The following PRELID2 variants were observed in gnomAD, a reference collection of about 807,000 sequenced individuals.
The protein encoded by PRELID2 is PRELI domain containing 2.
A neutral mutation model predicts 28.4 loss-of-function variants in PRELID2; 25 were observed. The observed-to-expected ratio is 0.88, with a 90% CI of 0.64 to 1.23. The LOEUF is 1.23. Among genes scored for constraint, PRELID2 ranks in the 50% most tolerant of loss-of-function variants. The probability of loss-of-function intolerance (pLI) is 0.00; values close to 1 mark genes in which losing one functional copy is unlikely to be tolerated. For synonymous variants in PRELID2, 76 were observed against 71.6 expected, an observed-to-expected ratio of 1.06 and a Z score of -0.31; for missense variants, 201 against 214.4, an observed-to-expected ratio of 0.94 and a Z score of 0.39.
At chr5:145,821,211 GTCC>G (rs2149870275) in intron 2 of PRELID2, among the ~76,000 whole-genome samples, 1 of 125,570 alleles carries the variant, frequency 8.0e-6, no homozygotes, top group East Asian at 2.3e-4. Context: ...GTGTGTGTAA[GTCC>G]TCTTCTGTGT....
chr5:145,669,491 A>G (rs1754662986), intron 1 of PRELID2, among the ~76,000 whole-genome samples: 1 of 152,162 alleles, frequency 6.6e-6, no homozygotes. Flanking sequence ...GCTTCTAGAC[A>G]TAGATCCGAC....
chr5:145,822,798 T>C (rs556782753), intron 2 of PRELID2, among the ~76,000 whole-genome samples: 2 of 152,236 alleles, frequency 1.3e-5, no homozygotes, highest in East Asian at 3.9e-4. Flanking sequence ...CAGTTACAAT[T>C]ATATATAGCT....
At chr5:145,679,888 T>C (rs1754899659) in intron 1 of PRELID2, among the ~76,000 whole-genome samples, 2 of 150,326 alleles carry the variant, frequency 1.3e-5, no homozygotes, top group Non-Finnish European at 3.0e-5. Context: ...ACAAATAATA[T>C]ATAAAATATG....
the PRELID2 span, among the ~76,000 whole-genome samples, chr5:145,427,037 G>A: frequency 6.6e-6 from 1 of 152,188 alleles, no homozygotes; most frequent in East Asian, 1.9e-4. Context: ...ACAAGGTACA[G>A]AACGGATCTG....
chr5:145,292,951 C>T, the PRELID2 span, among the ~76,000 whole-genome samples: 3 of 152,020 alleles, frequency 2.0e-5, no homozygotes, highest in African/African-American at 7.3e-5. Flanking sequence ...AAACTTTTGG[C>T]TTCAAGTGAT....
At chr5:145,376,661 GT>G in the PRELID2 span, among the ~76,000 whole-genome samples, 1 of 152,044 alleles carries the variant, frequency 6.6e-6, no homozygotes, top group East Asian at 1.9e-4. Flanking sequence ...TTCTTCTAGA[GT>G]TTTTATTTTA....
intron 1 of PRELID2, among the ~76,000 whole-genome samples, chr5:145,832,840 G>A (rs1755693226): frequency 6.6e-6 from 1 of 151,992 alleles, no homozygotes; most frequent in Non-Finnish European, 1.5e-5. Flanking sequence ...TTCTATTCAT[G>A]CTTCAGCCAT....
intron 6 of PRELID2, among the ~76,000 whole-genome samples, chr5:145,764,437 A>G (rs182340532): frequency 3.3e-5 from 5 of 152,314 alleles, no homozygotes; most frequent in African/African-American, 1.2e-4. Context: ...TACTCTCAAG[A>G]CTTCAGAATC....
intron 4 of PRELID2, among the ~76,000 whole-genome samples, chr5:145,817,214 A>ATATAT (rs1561643832): frequency 9.4e-5 from 6 of 64,120 alleles, no homozygotes; most frequent in African/African-American, 2.6e-4. Context: ...TAAATAAATA[A>ATATAT]AAAAAAATAT....
chr5:145,694,495 A>T (rs1256704934), intron 1 of PRELID2, among the ~76,000 whole-genome samples: 1 of 152,210 alleles, frequency 6.6e-6, no homozygotes, highest in Non-Finnish European at 1.5e-5. Context: ...AAAGATGTAT[A>T]ATGTATTACA....
intron 1 of PRELID2, among the ~76,000 whole-genome samples, chr5:145,644,218 A>G (rs769183236): frequency 6.6e-6 from 1 of 151,176 alleles, no homozygotes; most frequent in Non-Finnish European, 1.5e-5. Context: ...TAAGGATTCG[A>G]CTCCTTCCTG....
chr5:145,716,058 T>C (rs564287453), intron 1 of PRELID2, among the ~76,000 whole-genome samples: 19 of 151,556 alleles, frequency 1.3e-4, no homozygotes, highest in African/African-American at 4.6e-4. Context: ...TTTTTGGCGA[T>C]TTTTTTTTAG....
chr5:145,439,586 G>A, the PRELID2 span, among the ~76,000 whole-genome samples: 1 of 151,970 alleles, frequency 6.6e-6, no homozygotes, highest in Admixed American at 6.6e-5. Flanking sequence ...GGAATGTTCT[G>A]TGTTTTTGAT....
chr5:145,283,039 C>T, the PRELID2 span, among the ~76,000 whole-genome samples: 1 of 152,162 alleles, frequency 6.6e-6, no homozygotes, highest in South Asian at 2.1e-4. Flanking sequence ...CTCTGGCTTT[C>T]ATTTTTCTTG....
chr5:145,506,641 A>C (rs1212489245), intron 1 of PRELID2, among the ~76,000 whole-genome samples: 1 of 152,188 alleles, frequency 6.6e-6, no homozygotes, highest in Admixed American at 6.6e-5. Context: ...AATCAAGCCC[A>C]ACATTAATGG....
intron 1 of PRELID2, among the ~76,000 whole-genome samples, chr5:145,481,477 T>C (rs145143362): frequency 6.6e-6 from 1 of 151,336 alleles, no homozygotes; most frequent in East Asian, 1.9e-4. Flanking sequence ...TATTATTTGA[T>C]CTTGTTTATG....
rs911275371 is a variant in PRELID2, at chr5:145,492,837, A to T, written n.71-19522T>A. ...GTCCACCACACAAGGCTGAAGCCTT[A>T]GGGTTATATGGTCCCACCTGGCACC... On this transcript the variant is annotated intron_variant and non_coding_transcript_variant, in intron 1 of 2. Coordinates refer to the PRELID2 transcript ENST00000510259. 1.9e-4 allele frequency among the ~76,000 whole-genome samples: 27 copies of T among 140,816 alleles called. 9 individuals are homozygous for T. The highest frequency in any genetic ancestry group is 2.5e-5 in the African/African-American group (1 of 39,950). The allele number at this position is 140,816 out of a possible 152,430, so 92.4% of individuals were successfully genotyped here.
intron 1 of PRELID2, among the ~76,000 whole-genome samples, chr5:145,652,609 GA>G (rs1235238784): frequency 7.9e-5 from 12 of 152,188 alleles, no homozygotes; most frequent in Non-Finnish European, 1.3e-4. Flanking sequence ...CATTCTAAAA[GA>G]AAAGAATTTT....
the PRELID2 span, among the ~76,000 whole-genome samples, chr5:145,299,105 A>G: frequency 6.6e-6 from 1 of 152,156 alleles, no homozygotes; most frequent in South Asian, 2.1e-4. Flanking sequence ...CCTAGCTTCA[A>G]TAATTATCAA....
Sources: allele counts gnomAD v4.1 joint callset (sites outside exome capture counted in the v4.1 genomes callset), GRCh38; gene constraint gnomAD v4.1.1; transcripts MANE v1.5; gene names NCBI Gene and HGNC (gene_info 2026-07-23, HGNC 2026-07-21).